PCDH15: variants seen among roughly 807,000 people sequenced by gnomAD.
The protein encoded by PCDH15 is protocadherin-15.
PCDH15 carries 129 observed loss-of-function variants against 178.5 expected under a neutral mutation model. That is an observed-to-expected ratio of 0.72 (90% CI 0.63 to 0.84). The LOEUF (loss-of-function observed/expected upper bound fraction) is 0.84, where lower values mean the gene tolerates loss of function less well. Among genes scored for constraint, PCDH15 ranks in the 40% least tolerant of loss-of-function variants. PCDH15 has a pLI of 0.00. For synonymous variants in PCDH15, 800 were observed against 732.0 expected (o/e 1.09, Z -1.50); for missense variants, 2,230 against 2,099.9 (o/e 1.06, Z -1.21).
At chr10:55,446,230 C>A (rs533633289) in intron 2 of PCDH15, among the ~76,000 whole-genome samples, 1 of 150,720 alleles carries the variant, frequency 6.6e-6, no homozygotes, top group African/African-American at 2.4e-5. Flanking sequence ...CCAGTAGGAA[C>A]AAACAAAATA....
intron 2 of PCDH15, among the ~76,000 whole-genome samples, chr10:54,604,624 T>G (rs1033262741): frequency 1.3e-5 from 2 of 152,008 alleles, no homozygotes; most frequent in African/African-American, 4.8e-5. Flanking sequence ...ATAAAATATA[T>G]ATTTTTCCAT....
intron 14 of PCDH15, among the ~76,000 whole-genome samples, chr10:54,139,833 GA>G (rs1354448219): frequency 1.3e-5 from 2 of 152,020 alleles, no homozygotes; most frequent in Non-Finnish European, 2.9e-5. Context: ...TATATTTTAG[GA>G]AGGTGATAAT....
At chr10:54,883,877 G>C (rs1428043035) in intron 3 of PCDH15, among the ~76,000 whole-genome samples, 2 of 151,910 alleles carry the variant, frequency 1.3e-5, no homozygotes, top group African/African-American at 4.8e-5. Context: ...TGGTTTTGTT[G>C]TGTGATAATT....
At chr10:53,814,139 A>G (rs2075976541) in intron 35 of PCDH15, among the ~76,000 whole-genome samples, 1 of 152,140 alleles carries the variant, frequency 6.6e-6, no homozygotes, top group Admixed American at 6.6e-5. Context: ...ACTCAGTGTA[A>G]TGACACTGGT....
At chr10:54,773,600 T>A (rs1949345048) in intron 1 of PCDH15, among the ~76,000 whole-genome samples, 1 of 152,174 alleles carries the variant, frequency 6.6e-6, no homozygotes, top group Middle Eastern at 3.2e-3. Context: ...TATGAGTACT[T>A]TGGAGGTAAC....
At chr10:53,965,846 A>G (rs1240776903) in intron 21 of PCDH15, among the ~76,000 whole-genome samples, 5 of 132,188 alleles carry the variant, frequency 3.8e-5, no homozygotes, top group Non-Finnish European at 8.0e-5. Flanking sequence ...TATACTTAGA[A>G]TCTTCTTTTT....
chr10:55,040,556 G>C (rs990263875), intron 2 of PCDH15, among the ~76,000 whole-genome samples: 1 of 151,820 alleles, frequency 6.6e-6, no homozygotes, highest in African/African-American at 2.4e-5. Context: ...AATGTTAAAA[G>C]GAATTAGCAT....
At chr10:55,083,383 G>A (rs990290138) in intron 2 of PCDH15, among the ~76,000 whole-genome samples, 4 of 151,694 alleles carry the variant, frequency 2.6e-5, no homozygotes, top group Admixed American at 1.3e-4. Context: ...TAAAAAAGCT[G>A]CACAGAGTAT....
In PCDH15 at chr10:54,099,498, C is replaced by CAAAAAAAAAAA. The variant is rs755057091; in HGVS notation, c.1918-9446_1918-9436dup. Among the ~76,000 whole-genome samples, 80 of 49,944 alleles carry CAAAAAAAAAAA rather than the reference C, an allele frequency of 1.6e-3. 4 individuals are homozygous for CAAAAAAAAAAA. Among genetic ancestry groups the CAAAAAAAAAAA allele is most frequent in the African/African-American group, 5.5e-3 (46 of 8,386 alleles). The allele number at this position is 49,944 out of a possible 152,430, so 32.8% of individuals were successfully genotyped here. A position where few individuals can be genotyped will look rare whatever the true frequency, so the allele number is the denominator to read the frequency against. On this transcript the variant is annotated intron_variant, in intron 15 of 37. Coordinates refer to ENST00000644397, the MANE Select transcript of PCDH15 (RefSeq NM_001384140.1). ...TCAGCGACAGAGCGAGACTCCATCT[C>CAAAAAAAAAAA]AAAAAAAAAAAAAAAATATATATAT...
intron 2 of PCDH15, among the ~76,000 whole-genome samples, chr10:55,404,457 G>A (rs1187384938): frequency 1.3e-5 from 2 of 151,932 alleles, no homozygotes; most frequent in African/African-American, 4.8e-5. Context: ...AATCTGATGA[G>A]TATAAGATAT....
At chr10:55,115,110 A>G (rs1013715725) in intron 2 of PCDH15, among the ~76,000 whole-genome samples, 2 of 152,192 alleles carry the variant, frequency 1.3e-5, no homozygotes, top group African/African-American at 4.8e-5. Flanking sequence ...TCTGTAGGTG[A>G]TAAATTCTAT....
chr10:55,246,222 T>G (rs1841674384), intron 1 of PCDH15, among the ~76,000 whole-genome samples: 1 of 152,194 alleles, frequency 6.6e-6, no homozygotes, highest in African/African-American at 2.4e-5. Context: ...TCAAGCTAAT[T>G]GAAGATTTTT....
chr10:55,518,321 T>C (rs1336267631), intron 2 of PCDH15, among the ~76,000 whole-genome samples: 1 of 152,112 alleles, frequency 6.6e-6, no homozygotes, highest in Non-Finnish European at 1.5e-5. Flanking sequence ...CTACTTTAAC[T>C]CATGTCAGGC....
At chr10:55,322,793 G>GA (rs796480892), upstream of PCDH15, among the ~76,000 whole-genome samples, 587 of 134,284 alleles carry the variant, frequency 4.4e-3, 1 homozygote, top group African/African-American at 0.013. Context: ...TGATGCAACA[G>GA]AAAAAAAAAA....
chr10:55,086,217 T>C (rs1178557243), intron 2 of PCDH15, among the ~76,000 whole-genome samples: 2 of 151,986 alleles, frequency 1.3e-5, no homozygotes, highest in East Asian at 3.9e-4. Flanking sequence ...CTGCAGTACT[T>C]CATTGTAATC....
chr10:55,541,256 AAG>A (rs1481766270), intron 2 of PCDH15, among the ~76,000 whole-genome samples: 3 of 152,038 alleles, frequency 2.0e-5, no homozygotes, highest in Non-Finnish European at 1.5e-5. Context: ...AACATTATGA[AAG>A]AAAAAAAATA....
chr10:54,919,893 GA>G lies in PCDH15; in HGVS notation c.-79-22394del, dbSNP rs945057422. Among the ~76,000 whole-genome samples the G allele has an allele frequency of 5.3e-4, 78 of 146,692 alleles. 1 individual carries two copies. Among genetic ancestry groups the G allele is most frequent in the Admixed American group, 1.2e-3 (18 of 14,680 alleles). On this transcript the variant is annotated intron_variant, in intron 2 of 5. Transcript: ENST00000458638. ...TGCTCATAAATTCTATGAGGTTTGG[GA>G]AAAAAAAAAGGCTCTGTAACATTTG...
At chr10:54,971,129 G>T (rs1190293735) in intron 2 of PCDH15, among the ~76,000 whole-genome samples, 2 of 152,108 alleles carry the variant, frequency 1.3e-5, no homozygotes, top group African/African-American at 4.8e-5. Context: ...ACATTAGAAG[G>T]ATGTAAATTT....
At chr10:54,645,972 T>A (rs184691741) in intron 2 of PCDH15, among the ~76,000 whole-genome samples, 17 of 152,248 alleles carry the variant, frequency 1.1e-4, no homozygotes, top group Non-Finnish European at 1.9e-4. Context: ...AAATCATACA[T>A]TAATATTTTC....
Sources: allele counts gnomAD v4.1 joint callset (sites outside exome capture counted in the v4.1 genomes callset), GRCh38; gene constraint gnomAD v4.1.1; transcripts MANE v1.5; gene names NCBI Gene and HGNC (gene_info 2026-07-23, HGNC 2026-07-21).